Variants in NCSTN observed in about 807,000 individuals in gnomAD.
NCSTN encodes anterior pharynx-defective 2.
Under a neutral mutation model 87.0 loss-of-function variants are expected in NCSTN, and 22 were observed. The observed-to-expected ratio is 0.25, with a 90% CI of 0.18 to 0.36. NCSTN has a LOEUF of 0.36. Among genes scored for constraint, NCSTN ranks in the 10% least tolerant of loss-of-function variants. NCSTN has a pLI of 1.00. For missense variants in NCSTN, 693 were observed against 883.3 expected, an observed-to-expected ratio of 0.78 and a Z score of 2.73; for synonymous variants, 306 against 327.1, an observed-to-expected ratio of 0.94 and a Z score of 0.69.
chr1:160,350,232 A>G lies in NCSTN; in HGVS notation c.564A>G (p.Glu188=). 6.2e-7 allele frequency: 1 copy of G among 1,614,098 alleles called. No homozygotes were observed. Among genetic ancestry groups the G allele is most frequent in the Non-Finnish European group, 8.5e-7 (1 of 1,179,996 alleles). Residue 188 remains glutamate, a synonymous_variant, in exon 5 of 17, where the codon GAA becomes GAG. Transcript: ENST00000294785. ...FPIFLLEDEN[E]TKVIKQCYQD... is the part of the protein sequence containing the mutation. The stretch of plus-strand genomic sequence containing the variant: ...TCTTTCTTCTTGAAGATGAAAATGA[A>G]ACCAAAGTCATCAAGCAGGTAATGA...
At chr1:160,344,645 A>C (rs1363898472) in intron 1 of NCSTN, 77 bp from the exon 2 acceptor site, 6 of 1,589,490 alleles carry the variant, frequency 3.8e-6, no homozygotes, top group Non-Finnish European at 5.2e-6. Flanking sequence ...CCCAAGCCAT[A>C]CTTCAGGTTA....
At chr1:160,349,264 G>A (rs1192332698) in intron 3 of NCSTN, 142 bp downstream of exon 3, 2 of 1,232,872 alleles carry the variant, frequency 1.6e-6, no homozygotes. Context: ...AGAAGGAAAG[G>A]TGTACCATCA....
chr1:160,354,110 C>A lies in NCSTN; in HGVS notation c.1180-8C>A, dbSNP rs373496268. ...CTCCCATCAGTTAATCTCCCTCGTA[C>A]CCCCCAGGTGGAGGATCTCCTGGCC... On this transcript the variant is annotated splice_region_variant and splice_polypyrimidine_tract_variant and intron_variant, in intron 10 of 16. Transcript: ENST00000294785. The A allele has an allele frequency of 1.1e-5, 18 of 1,612,930 alleles. No individual in the cohort carries two copies. In the African/African-American group the frequency reaches 1.3e-4, roughly 12 times the overall value.
chr1:160,356,554 C>T, intron 14 of NCSTN, 46 bp from the exon 15 acceptor site: 4 of 1,611,398 alleles, frequency 2.5e-6, no homozygotes, highest in Non-Finnish European at 3.4e-6. Flanking sequence ...CTATTTCACC[C>T]ACCATCCACC....
intron 10 of NCSTN, 95 bp from the exon 11 acceptor site, chr1:160,354,023 G>A: frequency 7.5e-7 from 1 of 1,328,006 alleles, no homozygotes; most frequent in East Asian, 2.4e-5. Context: ...TCCCCAAGCA[G>A]GGAACTTGAA....
intron 2 of NCSTN, among the ~76,000 whole-genome samples, chr1:160,347,817 C>T (rs1281112606): frequency 6.6e-6 from 1 of 152,224 alleles, no homozygotes; most frequent in Non-Finnish European, 1.5e-5. Flanking sequence ...GCCATGTTGG[C>T]CAGGCTGGTC....
At position 160,358,513 on chromosome 1, in the gene NCSTN, T is replaced by C. The variant is rs189476682; in HGVS notation, c.*242T>C. ...TCTTCCTTCTCTACTCATGCCAGAT[T>C]TTGGGATTACAAATAGAAGCTTCTT... On this transcript the variant is annotated 3_prime_UTR_variant, in exon 17 of 17. Transcript: ENST00000294785. 6.6e-4 allele frequency: 372 copies of C among 562,162 alleles called. No homozygotes were observed. Among genetic ancestry groups the C allele is most frequent in the Admixed American group, 2.2e-3 (75 of 33,934 alleles). 34.8% of individuals were successfully genotyped at this position (562,162 alleles called of 1,614,324 possible).
chr1:160,351,739 G>A lies in NCSTN; in HGVS notation c.777G>A (p.Met259Ile). ...TGTCTGATTACAATGTGTGGAGCATGCTAAAGCCTATAAATACAACTGGGA... is the reference window on the plus strand; with the variant it reads ...TGTCTGATTACAATGTGTGGAGCATACTAAAGCCTATAAATACAACTGGGA... ...DPLSDYNVWS[M>I]LKPINTTGTL... The change falls in exon 7 of 17, where the codon ATG becomes ATA. Residue 259 changes from methionine to isoleucine, a missense_variant. Met to Ile is a conservative substitution (Grantham distance 10). Around this residue, in one of 4 missense-constraint regions of NCSTN, gnomAD observed 134 missense variants for 226.0 expected, o/e 0.59. Transcript: ENST00000294785. 1 of 1,613,370 alleles carries A rather than the reference G, an allele frequency of 6.2e-7. No homozygotes were observed. Among genetic ancestry groups the A allele is most frequent in the Non-Finnish European group, 8.5e-7 (1 of 1,179,270 alleles).
chr1:160,350,382 G>A, intron 5 of NCSTN, 132 bp downstream of exon 5: 1 of 1,051,056 alleles, frequency 9.5e-7, no homozygotes, highest in Non-Finnish European at 1.4e-6. Flanking sequence ...AGGCCGGGAG[G>A]CAGAGGTTTC....
rs1287269727 is a variant in NCSTN, at chr1:160,350,266, G to C, written c.582+16G>C. ...CATCAAGCAGGTAATGACACTGCCA[G>C]CTCCTAGCAATTCCAGTTAGAAAGA... On this transcript the variant is annotated intron_variant, in intron 5 of 16. Transcript: ENST00000294785. 8.7e-6 allele frequency: 14 copies of C among 1,613,266 alleles called. No homozygotes were observed. The highest frequency in any genetic ancestry group is 1.2e-5 in the Non-Finnish European group (14 of 1,179,364).
At chr1:160,353,264 C>T in intron 10 of NCSTN, 27 bp downstream of exon 10, 1 of 1,614,064 alleles carries the variant, frequency 6.2e-7, no homozygotes, top group Non-Finnish European at 8.5e-7. Flanking sequence ...CCCTCATTTC[C>T]TATTCCTACA....
chr1:160,353,734 G>A (rs771545421), intron 10 of NCSTN: 6 of 983,504 alleles, frequency 6.1e-6, no homozygotes, highest in Admixed American at 6.2e-5. Flanking sequence ...GACTCCTGTA[G>A]CATTTAAAGA....
intron 2 of NCSTN, among the ~76,000 whole-genome samples, chr1:160,347,231 C>A (rs6668576): frequency 2.0e-5 from 3 of 151,954 alleles, no homozygotes; most frequent in Non-Finnish European, 4.4e-5. Context: ...AATCTTACTT[C>A]GTCATATCTG....
rs1325958286 is a variant in NCSTN at position 160,349,567 on chromosome 1, G to C, written c.333G>C (p.Leu111=). The change falls in exon 4 of 17, where the codon CTG becomes CTC. Residue 111 remains leucine, a synonymous_variant. Coordinates refer to ENST00000294785, the MANE Select transcript of NCSTN (RefSeq NM_015331.3). ...KHFTRDLMEK[L]KGRTSRIAGL... The stretch of plus-strand genomic sequence containing the variant: ...ATTCCAGGGATTTAATGGAGAAGCT[G>C]AAAGGGAGAACCAGCCGAATTGCTG... 3 of 1,614,178 alleles carry C rather than the reference G, an allele frequency of 1.9e-6. No homozygotes were observed. Among genetic ancestry groups the C allele is most frequent in the South Asian group, 2.2e-5 (2 of 91,084 alleles).
Position 160,355,966 on chromosome 1 carries a change from G to T in NCSTN, c.1551+8G>T. 1 of 1,606,230 alleles carries T rather than the reference G, an allele frequency of 6.2e-7. No homozygotes were observed. The highest frequency in any genetic ancestry group is 2.2e-5 in the East Asian group (1 of 44,836). ...CAGGCTGATCCCCAAACGGTAAGCA[G>T]ATGGGCCCTAGCTCCTTCTTTCTAT... On this transcript the variant is annotated splice_region_variant and intron_variant, in intron 13 of 16. Coordinates refer to ENST00000294785, the MANE Select transcript of NCSTN (RefSeq NM_015331.3).
chr1:160,349,454 C>A (rs1245079866), intron 3 of NCSTN, 95 bp from the exon 4 acceptor site: 1 of 1,484,704 alleles, frequency 6.7e-7, no homozygotes, highest in Non-Finnish European at 9.4e-7. Context: ...CAGTTTGATT[C>A]CCCTAGTTCC....
rs1415017171 is a variant in NCSTN, at chr1:160,343,417, C to G, written c.21C>G (p.Gly7=). 1 of 1,612,852 alleles carries G rather than the reference C, an allele frequency of 6.2e-7. No homozygotes were observed. The highest frequency in any genetic ancestry group is 8.5e-7 in the Non-Finnish European group (1 of 1,179,742). Residue 7 remains glycine (G), a synonymous_variant, in exon 1 of 17, where the codon GGC becomes GGG. Coordinates refer to ENST00000294785, the MANE Select transcript of NCSTN (RefSeq NM_015331.3). MATAGG[G]SGADPGSRGL... Reference sequence around the variant, plus strand: ...GCAAGATGGCTACGGCAGGGGGTGGCTCTGGGGCTGACCCGGGAAGTCGGG... The same window carrying G: ...GCAAGATGGCTACGGCAGGGGGTGGGTCTGGGGCTGACCCGGGAAGTCGGG...
At position 160,349,108 on chromosome 1, in the gene NCSTN, C is replaced by G; in HGVS notation, c.300C>G (p.Ser100Arg). The G allele has an allele frequency of 6.2e-7, 1 of 1,614,130 alleles. No homozygotes were observed. The highest frequency in any genetic ancestry group is 8.5e-7 in the Non-Finnish European group (1 of 1,180,012). Residue 100 changes from serine to arginine, a missense_variant, in exon 3 of 17, where the codon AGC becomes AGG. Around this residue, in one of 4 missense-constraint regions of NCSTN, gnomAD observed 235 missense variants for 233.9 expected, o/e 1.00. Coordinates refer to ENST00000294785, the MANE Select transcript of NCSTN (RefSeq NM_015331.3). ...CCCCTTACATGGTTCTGCTGGAGAG[C>G]AAGCATTTTACCAGGTAAGAACTAG... Reference protein sequence around the residue: ...PNPPYMVLLESKHFTRDLMEK... With the variant: ...PNPPYMVLLERKHFTRDLMEK...
rs1237754682 is a variant in NCSTN, at chr1:160,357,133, G to A, written c.1887G>A (p.Arg629=). ...RCVRSTARLA[R]ALSPAFELSQ... ...TGCGTTCTACTGCACGATTAGCCAG[G>A]GCCTTGTCTCCTGCCTTTGAACTGA... Residue 629 remains arginine, a synonymous_variant, in exon 16 of 17, where the codon AGG becomes AGA. Coordinates refer to ENST00000294785, the MANE Select transcript of NCSTN (RefSeq NM_015331.3). The A allele has an allele frequency of 6.2e-7, 1 of 1,613,996 alleles. No homozygotes were observed. Among genetic ancestry groups the A allele is most frequent in the Non-Finnish European group, 8.5e-7 (1 of 1,180,020 alleles).
Sources: gnomAD v4.1 joint callset for allele counts (sites outside exome capture counted in the v4.1 genomes callset) on GRCh38, gnomAD v4.1.1 for gene constraint, gnomAD v4.1.1 regional missense constraint, MANE v1.5 for transcripts, NCBI Gene and HGNC (gene_info 2026-07-23, HGNC 2026-07-21) for gene names.